The following NEK11 variants were observed in gnomAD, a reference collection of about 807,000 sequenced individuals.
The protein encoded by NEK11 is NIMA related kinase 11.
A neutral mutation model predicts 80.7 loss-of-function variants in NEK11; 72 were observed. The ratio of observed to expected loss-of-function variants is 0.89; its 90% confidence interval spans 0.74 to 1.08. The LOEUF is 1.08. NEK11 is among the 50% of genes least tolerant of loss of function. NEK11 has a pLI of 0.00. For synonymous variants in NEK11, 251 were observed against 260.7 expected (o/e 0.96, Z 0.36); for missense variants, 764 against 763.6 (o/e 1.00, Z -0.01).
intron 14 of NEK11, among the ~76,000 whole-genome samples, chr3:131,214,162 G>A (rs2094731631): frequency 6.6e-6 from 1 of 152,184 alleles, no homozygotes; most frequent in South Asian, 2.1e-4. Flanking sequence ...ATAGTATTCT[G>A]TTACAGAAGC....
At chr3:131,067,525 C>T (rs973216847) in intron 3 of NEK11, among the ~76,000 whole-genome samples, 11 of 152,120 alleles carry the variant, frequency 7.2e-5, no homozygotes, top group Non-Finnish European at 1.3e-4. Context: ...AGAATTGTAT[C>T]ACATTACCAT....
intron 7 of NEK11, among the ~76,000 whole-genome samples, chr3:131,135,389 A>G (rs553845537): frequency 6.6e-6 from 1 of 152,306 alleles, no homozygotes; most frequent in South Asian, 2.1e-4. Flanking sequence ...CACATCCAAA[A>G]GAAAAAGAAA....
At chr3:131,271,034 T>G (rs531633723) in intron 16 of NEK11, among the ~76,000 whole-genome samples, 1 of 152,292 alleles carries the variant, frequency 6.6e-6, no homozygotes, top group African/African-American at 2.4e-5. Context: ...TGCCTTCCTC[T>G]TGCCCACTCC....
chr3:131,164,295 A>G (rs993620498), intron 11 of NEK11, among the ~76,000 whole-genome samples: 1 of 152,250 alleles, frequency 6.6e-6, no homozygotes, highest in Non-Finnish European at 1.5e-5. Flanking sequence ...TCAAGCTAAC[A>G]ATATGATACC....
chr3:131,332,252 A>T (rs999740366), intron 17 of NEK11, among the ~76,000 whole-genome samples: 1 of 152,138 alleles, frequency 6.6e-6, no homozygotes, highest in Admixed American at 6.5e-5. Flanking sequence ...ATGGCCAGGT[A>T]CTCCTCTGAG....
intron 17 of NEK11, among the ~76,000 whole-genome samples, chr3:131,280,562 C>G (rs1408248339): frequency 6.6e-6 from 1 of 152,096 alleles, no homozygotes; most frequent in Non-Finnish European, 1.5e-5. Flanking sequence ...TCAGTGTATT[C>G]TTCATCTTAG....
intron 17 of NEK11, among the ~76,000 whole-genome samples, chr3:131,337,941 A>C (rs1561619032): frequency 1.3e-5 from 2 of 152,014 alleles, no homozygotes; most frequent in African/African-American, 4.8e-5. Flanking sequence ...GCTTGGCATA[A>C]ATTTTTTTTC....
chr3:131,046,166 T>C (rs1356061640), intron 3 of NEK11, among the ~76,000 whole-genome samples: 1 of 152,208 alleles, frequency 6.6e-6, no homozygotes, highest in Non-Finnish European at 1.5e-5. Flanking sequence ...CCTGAATACC[T>C]TTTTATTTTT....
intron 14 of NEK11, among the ~76,000 whole-genome samples, chr3:131,213,089 G>T (rs973816380): frequency 2.6e-5 from 4 of 152,084 alleles, no homozygotes; most frequent in Admixed American, 1.3e-4. Flanking sequence ...TGTCCAGCCT[G>T]TTGCCCTACC....
chr3:131,106,223 CTT>C (rs1218664564), intron 4 of NEK11, among the ~76,000 whole-genome samples: 1 of 149,222 alleles, frequency 6.7e-6, no homozygotes, highest in Non-Finnish European at 1.5e-5. Flanking sequence ...TCCCAACTGT[CTT>C]TAGTCTCTCT....
chr3:131,269,132 C>T (rs1388412176), intron 16 of NEK11, among the ~76,000 whole-genome samples: 1 of 152,222 alleles, frequency 6.6e-6, no homozygotes, highest in Non-Finnish European at 1.5e-5. Context: ...CAAGCTTGAG[C>T]ATCCCAGGTT....
chr3:131,227,150 T>C (rs1021090896), intron 14 of NEK11, among the ~76,000 whole-genome samples: 1 of 152,126 alleles, frequency 6.6e-6, no homozygotes, highest in Non-Finnish European at 1.5e-5. Context: ...TTTGAATATA[T>C]GTAATTTTTG....
At chr3:131,317,626 G>T (rs1306298262) in intron 17 of NEK11, among the ~76,000 whole-genome samples, 1 of 151,526 alleles carries the variant, frequency 6.6e-6, no homozygotes, top group Non-Finnish European at 1.5e-5. Context: ...CAGCTGTGGT[G>T]GCTCGTGCTT....
At chr3:131,152,856 C>G (rs931355233) in intron 9 of NEK11, 147 bp downstream of exon 9, 2 of 626,674 alleles carry the variant, frequency 3.2e-6, no homozygotes, top group Non-Finnish European at 5.6e-6. Flanking sequence ...GAGGCCGAGG[C>G]GGATGGATCA....
intron 17 of NEK11, among the ~76,000 whole-genome samples, chr3:131,304,410 C>T (rs1287796399): frequency 2.0e-5 from 3 of 152,172 alleles, no homozygotes; most frequent in Non-Finnish European, 2.9e-5. Context: ...TCTGTCATTT[C>T]AGCCAAGTTA....
chr3:131,115,968 TTCTTTCTTTCTTTC>T (rs926883723), intron 5 of NEK11, among the ~76,000 whole-genome samples: 2 of 145,118 alleles, frequency 1.4e-5, no homozygotes, highest in African/African-American at 5.2e-5. Context: ...CTTTCTTTCT[TTCTTTCTTTCTTTC>T]TTTCTTTATT....
chr3:131,156,878 C>T (rs1407320765), intron 10 of NEK11, among the ~76,000 whole-genome samples: 1 of 150,918 alleles, frequency 6.6e-6, no homozygotes, highest in Non-Finnish European at 1.5e-5. Context: ...TAACATTAAT[C>T]ATACATTGAA....
In NEK11 at chr3:131,118,652, C is replaced by T. The variant is rs994058557; in HGVS notation, c.455+8731C>T. On this transcript the variant is annotated intron_variant, in intron 5 of 17. Coordinates refer to ENST00000383366, the MANE Select transcript of NEK11 (RefSeq NM_024800.5). ...TTAATTATTGCCTCAATTTCAGAGC[C>T]TGTTATTAGTCTATTCAGGGATTCA... Among the ~76,000 whole-genome samples, 77 of 152,076 alleles carry T rather than the reference C, an allele frequency of 5.1e-4. 1 individual carries two copies. Among genetic ancestry groups the T allele is most frequent in the Non-Finnish European group, 1.9e-4 (13 of 68,016 alleles).
At chr3:131,207,038 T>A (rs1269166940) in intron 14 of NEK11, among the ~76,000 whole-genome samples, 11 of 152,244 alleles carry the variant, frequency 7.2e-5, no homozygotes, top group Non-Finnish European at 5.9e-5. Context: ...GGTGTATATG[T>A]GCCACATTTT....
Sources: allele counts gnomAD v4.1 joint callset (sites outside exome capture counted in the v4.1 genomes callset), GRCh38; gene constraint gnomAD v4.1.1; transcripts MANE v1.5; gene names NCBI Gene and HGNC (gene_info 2026-07-23, HGNC 2026-07-21).